Variants in SIRPG observed in about 807,000 individuals in gnomAD.
SIRPG encodes signal regulatory protein gamma, also known as signal-regulatory protein gamma.
In SIRPG, 38 loss-of-function variants were observed where a neutral mutation model predicts 35.7. The observed-to-expected ratio is 1.06, with a 90% confidence interval of 0.82 to 1.40. SIRPG has a LOEUF of 1.40. SIRPG is among the 40% of genes most tolerant of loss of function. The pLI, the probability that SIRPG is intolerant of heterozygous loss-of-function variation, is 0.00. For synonymous variants in SIRPG, 215 were observed against 190.4 expected (o/e 1.13, Z -1.06); for missense variants, 519 against 483.0 (o/e 1.07, Z -0.70).
In SIRPG at chr20:1,653,366, G is replaced by A. The variant is rs549637016; in HGVS notation, c.74-3958C>T. ...TGATCACATGAAGTAAAAGAGGTAA[G>A]GCATTTTCAACAGTGTCTGCCACAT... On this transcript the variant is annotated intron_variant, in intron 1 of 5. Transcript: ENST00000303415. Among the ~76,000 whole-genome samples the A allele has an allele frequency of 4.6e-5, 7 of 152,288 alleles. No individual in the cohort carries two copies. The South Asian group carries it at 1.2e-3, about 27-fold the overall frequency.
At chr20:1,671,094 G>A in the SIRPG span, 1 of 428,616 alleles carries the variant, frequency 2.3e-6, no homozygotes, top group Non-Finnish European at 4.7e-6. Flanking sequence ...ATTTCAGGGT[G>A]GTGTTTCAGG....
intron 2 of SIRPG, among the ~76,000 whole-genome samples, chr20:1,643,292 T>G (rs1568730918): frequency 6.6e-6 from 1 of 152,202 alleles, no homozygotes; most frequent in Non-Finnish European, 1.5e-5. Context: ...TTTAAAATCT[T>G]GTCCGCATGT....
Position 1,649,090 on chromosome 20 carries a change from T to C in SIRPG, c.392A>G (p.Glu131Gly), listed in dbSNP as rs2091918660. Residue 131 changes from glutamate (E) to glycine (G), a missense_variant, in exon 2 of 6, where the codon GAG becomes GGG. By Grantham distance (98) the Glu-to-Gly change is moderately conservative (BLOSUM62 -2). Coordinates refer to ENST00000303415, the MANE Select transcript of SIRPG (RefSeq NM_018556.4). ...KFRKGSPENV[E>G]FKSGPGTEMA... Reference sequence around the variant, plus strand: ...CTCAGTGCCTGGTCCAGACTTAAACTCCACGTTCTCAGGGCTCCCTTTTCG... The same window carrying C: ...CTCAGTGCCTGGTCCAGACTTAAACCCCACGTTCTCAGGGCTCCCTTTTCG... 1.9e-6 allele frequency: 3 copies of C among 1,613,772 alleles called. No homozygotes were observed. In the South Asian group the frequency reaches 3.3e-5, roughly 18 times the overall value.
chr20:1,637,839 C>T (rs1328601455), intron 2 of SIRPG: 1 of 152,186 alleles, frequency 6.6e-6, no homozygotes, highest in African/African-American at 2.4e-5. Context: ...AGCACACAAA[C>T]TGGAGAATCA....
rs1364859987 is a variant in SIRPG at position 1,635,394 on chromosome 20, T to A, written c.954A>T (p.Ile318=). Residue 318 remains isoleucine, a synonymous_variant, in exon 4 of 6, where the codon ATA becomes ATT. Coordinates refer to ENST00000303415, the MANE Select transcript of SIRPG (RefSeq NM_018556.4). ...YNWTSWFLVN[I]SDQRDDVVLT... is the part of the protein sequence containing the mutation. ...GGACCACATCATCCCTTTGGTCAGA[T>A]ATGTTCACCAGGAACCAGCTTGTCC... 6.2e-7 allele frequency: 1 copy of A among 1,614,154 alleles called. No individual in the cohort carries two copies. Among genetic ancestry groups the A allele is most frequent in the Non-Finnish European group, 8.5e-7 (1 of 1,180,016 alleles).
chr20:1,682,691 T>C, the SIRPG span, among the ~76,000 whole-genome samples: 36,956 of 152,104 alleles, frequency 0.24, 5,198 homozygotes, highest in East Asian at 0.59. Flanking sequence ...GAACTTCATC[T>C]CATACCACAT....
rs146036829 is a variant in SIRPG at position 1,654,005 on chromosome 20, C to G, written c.73+3637G>C. 7.5e-3 allele frequency among the ~76,000 whole-genome samples: 1,142 copies of G among 152,036 alleles called. 15 individuals carry two copies. Among genetic ancestry groups the G allele is most frequent in the African/African-American group, 0.026 (1,083 of 41,484 alleles). On this transcript the variant is annotated intron_variant, in intron 1 of 5. Transcript: ENST00000303415. ...CTGTAATCCCAGCACTTTGGGAGGC[C>G]GAAGCGAGCAGATCACGAGGTTAGG...
At chr20:1,629,772 C>T (rs2091734134) in intron 5 of SIRPG, 136 bp from the exon 6 acceptor site, 1 of 171,480 alleles carries the variant, frequency 5.8e-6, no homozygotes. Flanking sequence ...AGAACTCTGC[C>T]TGCTCAGCCA....
intron 2 of SIRPG, among the ~76,000 whole-genome samples, chr20:1,636,959 G>A (rs1333795864): frequency 6.6e-6 from 1 of 152,182 alleles, no homozygotes; most frequent in Non-Finnish European, 1.5e-5. Context: ...CCCATGAGAG[G>A]GGTGGCCTGG....
At chr20:1,635,173 A>G (rs2091786454) in intron 4 of SIRPG, 94 bp downstream of exon 4, 1 of 1,040,992 alleles carries the variant, frequency 9.6e-7, no homozygotes, top group East Asian at 2.6e-5. Flanking sequence ...TTTACTTTGT[A>G]TTTATAGACT....
intron 2 of SIRPG, among the ~76,000 whole-genome samples, chr20:1,643,969 G>A (rs975335204): frequency 1.3e-5 from 2 of 152,212 alleles, no homozygotes; most frequent in African/African-American, 2.4e-5. Context: ...TAACCTCGAG[G>A]GGCACTGATC....
chr20:1,663,266 T>C, the SIRPG span, among the ~76,000 whole-genome samples: 2 of 152,096 alleles, frequency 1.3e-5, no homozygotes, highest in Admixed American at 6.5e-5. Flanking sequence ...TCAGCCGAGA[T>C]CGTGCCACTG....
At chr20:1,678,613 T>C in the SIRPG span, among the ~76,000 whole-genome samples, 1 of 152,128 alleles carries the variant, frequency 6.6e-6, no homozygotes, top group African/African-American at 2.4e-5. Flanking sequence ...TACACATTAC[T>C]AGAGTTCTGG....
At chr20:1,633,974 A>C (rs143521868) in intron 4 of SIRPG, among the ~76,000 whole-genome samples, 2 of 152,274 alleles carry the variant, frequency 1.3e-5, no homozygotes, top group African/African-American at 4.8e-5. Flanking sequence ...ACCCGATCTA[A>C]AGGCAAGAGG....
chr20:1,665,908 T>TA, the SIRPG span, among the ~76,000 whole-genome samples: 10 of 151,728 alleles, frequency 6.6e-5, no homozygotes, highest in African/African-American at 1.5e-4. Context: ...TGGATATATA[T>TA]AAAAAAAAGA....
At chr20:1,652,511 T>C (rs1326952783) in intron 1 of SIRPG, among the ~76,000 whole-genome samples, 1 of 152,202 alleles carries the variant, frequency 6.6e-6, no homozygotes, top group Non-Finnish European at 1.5e-5. Flanking sequence ...GAACAAGTGG[T>C]ATTTATTCCT....
the SIRPG span, among the ~76,000 whole-genome samples, chr20:1,668,961 C>T: frequency 6.6e-6 from 1 of 152,164 alleles, no homozygotes; most frequent in East Asian, 1.9e-4. Context: ...CCAGCACAGA[C>T]CCAGCAGATG....
the SIRPG span, among the ~76,000 whole-genome samples, chr20:1,664,669 A>T: frequency 6.6e-6 from 1 of 152,088 alleles, no homozygotes; most frequent in Non-Finnish European, 1.5e-5. Flanking sequence ...CTGTGGGAAA[A>T]CACGTCCAGG....
chr20:1,648,655 A>T (rs6110773), intron 2 of SIRPG, among the ~76,000 whole-genome samples: 39,071 of 151,942 alleles, frequency 0.26, 5,693 homozygotes, highest in East Asian at 0.62. Flanking sequence ...AATAAATAAA[A>T]AAAAATAAAA....
Sources: gnomAD v4.1 joint callset for allele counts (sites outside exome capture counted in the v4.1 genomes callset) on GRCh38, gnomAD v4.1.1 for gene constraint, MANE v1.5 for transcripts, NCBI Gene and HGNC (gene_info 2026-07-23, HGNC 2026-07-21) for gene names.